The following RAB7A variants were observed in gnomAD, a reference collection of about 807,000 sequenced individuals.
The protein encoded by RAB7A is RAB7A, member RAS oncogene family, also known as ras-related protein Rab-7a.
Under a neutral mutation model 24.5 loss-of-function variants are expected in RAB7A, and 2 were observed. That is an observed-to-expected ratio of 0.08 (90% CI 0.03 to 0.26). The LOEUF (loss-of-function observed/expected upper bound fraction) is 0.26, where lower values mean the gene tolerates loss of function less well. Ranked by LOEUF, RAB7A falls within the 10% of genes least tolerant of loss-of-function variation. RAB7A has a pLI of 1.00. For synonymous variants in RAB7A, 100 were observed against 95.9 expected (o/e 1.04, Z -0.25); for missense variants, 118 against 255.7 (o/e 0.46, Z 3.67).
intron 3 of RAB7A, among the ~76,000 whole-genome samples, chr3:128,799,521 G>T (rs1933652667): frequency 6.6e-6 from 1 of 152,158 alleles, no homozygotes; most frequent in Non-Finnish European, 1.5e-5. Flanking sequence ...TAGGTTAAAG[G>T]TAGAAATTTG....
intron 5 of RAB7A, among the ~76,000 whole-genome samples, chr3:128,808,807 C>T (rs1330406461): frequency 2.6e-5 from 4 of 152,104 alleles, no homozygotes; most frequent in Non-Finnish European, 2.9e-5. Flanking sequence ...CTGCTGACTC[C>T]AGGAAGCCGG....
chr3:128,764,746 C>T (rs1345337258), intron 1 of RAB7A: 23 of 808,238 alleles, frequency 2.8e-5, no homozygotes, highest in Non-Finnish European at 4.6e-5. Context: ...CCAGTCATCA[C>T]AGACTGGTTT....
intron 3 of RAB7A, among the ~76,000 whole-genome samples, chr3:128,800,328 C>G (rs1933671299): frequency 6.6e-6 from 1 of 152,202 alleles, no homozygotes; most frequent in Non-Finnish European, 1.5e-5. Context: ...CTCAGACTGC[C>G]TTTTGCTGAG....
At chr3:128,732,085 G>GCT (rs2070444295) in intron 1 of RAB7A, among the ~76,000 whole-genome samples, 1 of 149,048 alleles carries the variant, frequency 6.7e-6, no homozygotes, top group South Asian at 2.1e-4. Flanking sequence ...CTGTCGCCAG[G>GCT]CTGGAGTGCA....
At chr3:128,748,329 T>C (rs779342629) in intron 1 of RAB7A, among the ~76,000 whole-genome samples, 415 of 152,324 alleles carry the variant, frequency 2.7e-3, no homozygotes, top group Non-Finnish European at 3.3e-3. Flanking sequence ...GTGGCTTTTC[T>C]GGTGGTCTTC....
chr3:128,808,597 A>C (rs1933853386), intron 5 of RAB7A, among the ~76,000 whole-genome samples: 1 of 152,216 alleles, frequency 6.6e-6, no homozygotes, highest in African/African-American at 2.4e-5. Context: ...TTTCTTATTT[A>C]CTGTTTCTGT....
intron 1 of RAB7A, among the ~76,000 whole-genome samples, chr3:128,737,690 C>G (rs2070504186): frequency 1.3e-5 from 2 of 150,384 alleles, no homozygotes; most frequent in African/African-American, 4.9e-5. Context: ...CTCTGTCACT[C>G]AGGCTACAGT....
intron 5 of RAB7A, 137 bp from the exon 6 acceptor site, chr3:128,813,190 G>A: frequency 2.4e-6 from 2 of 831,414 alleles, no homozygotes; most frequent in Admixed American, 3.4e-5. Context: ...TAACTGTGTG[G>A]GCAGGCTCTG....
chr3:128,767,576 G>T (rs1256574629), intron 1 of RAB7A, among the ~76,000 whole-genome samples: 2 of 152,258 alleles, frequency 1.3e-5, no homozygotes, highest in Admixed American at 1.3e-4. Context: ...CAGATGTGAT[G>T]GTTGGGGTAA....
intron 2 of RAB7A, among the ~76,000 whole-genome samples, chr3:128,795,884 T>A (rs1261216195): frequency 6.6e-6 from 1 of 151,216 alleles, no homozygotes; most frequent in Non-Finnish European, 1.5e-5. Context: ...CCCGAGGAGC[T>A]GGGACTACAG....
intron 1 of RAB7A, among the ~76,000 whole-genome samples, chr3:128,759,052 TTA>T (rs2070755905): frequency 1.2e-5 from 1 of 82,898 alleles, no homozygotes; most frequent in African/African-American, 9.7e-5. Context: ...TACAAATGAG[TTA>T]AATTAAGATC....
intron 3 of RAB7A, among the ~76,000 whole-genome samples, chr3:128,801,720 A>C (rs183716418): frequency 9.8e-5 from 15 of 152,332 alleles, no homozygotes; most frequent in Admixed American, 3.9e-4. Flanking sequence ...ACTTTTAATC[A>C]GTCTCAGAAG....
chr3:128,807,446 A>G (rs1162136214), intron 4 of RAB7A, 97 bp from the exon 5 acceptor site: 36 of 1,564,312 alleles, frequency 2.3e-5, no homozygotes, highest in Non-Finnish European at 2.0e-5. Flanking sequence ...CACCTGTACT[A>G]CCTGTAGACG....
chr3:128,787,636 C>T (rs1445947235), intron 1 of RAB7A, among the ~76,000 whole-genome samples: 1 of 152,182 alleles, frequency 6.6e-6, no homozygotes, highest in African/African-American at 2.4e-5. Flanking sequence ...ATATAGTAAT[C>T]CTCTTTATCT....
intron 1 of RAB7A, among the ~76,000 whole-genome samples, chr3:128,780,899 C>CT (rs1435302789): frequency 5.9e-5 from 9 of 152,272 alleles, no homozygotes; most frequent in African/African-American, 1.9e-4. Flanking sequence ...CTTTGTTTTT[C>CT]TTCTAACAAA....
intron 1 of RAB7A, among the ~76,000 whole-genome samples, chr3:128,733,824 A>G (rs2070461215): frequency 6.6e-6 from 1 of 152,250 alleles, no homozygotes; most frequent in Non-Finnish European, 1.5e-5. Flanking sequence ...TTAGGTGGAC[A>G]CAGTTCACTT....
intron 1 of RAB7A, among the ~76,000 whole-genome samples, chr3:128,743,122 G>T (rs977967163): frequency 6.6e-6 from 1 of 152,208 alleles, no homozygotes; most frequent in Non-Finnish European, 1.5e-5. Context: ...GTGGGCTGGC[G>T]GTGCTGGGGG....
chr3:128,806,671 C>A, intron 4 of RAB7A, 81 bp downstream of exon 4: 1 of 1,345,160 alleles, frequency 7.4e-7, no homozygotes, highest in Non-Finnish European at 1.1e-6. Flanking sequence ...CTCTGCTAAG[C>A]TCACATGGCT....
intron 1 of RAB7A, among the ~76,000 whole-genome samples, chr3:128,726,849 C>T (rs2070385677): frequency 6.6e-6 from 1 of 152,228 alleles, no homozygotes; most frequent in Non-Finnish European, 1.5e-5. Flanking sequence ...TGGGAGTTCC[C>T]TGACGGCAAC....
Sources: allele counts gnomAD v4.1 joint callset (sites outside exome capture counted in the v4.1 genomes callset), GRCh38; gene constraint gnomAD v4.1.1; transcripts MANE v1.5; gene names NCBI Gene and HGNC (gene_info 2026-07-23, HGNC 2026-07-21).